Variants in DENND2A observed in about 807,000 individuals in gnomAD.
The protein encoded by DENND2A is DENN domain-containing protein 2A.
A neutral mutation model predicts 105.3 loss-of-function variants in DENND2A; 53 were observed. The observed-to-expected ratio is 0.50, with a 90% CI of 0.40 to 0.63. The LOEUF (loss-of-function observed/expected upper bound fraction) is 0.63. Among genes scored for constraint, DENND2A ranks in the 30% least tolerant of loss-of-function variants. DENND2A has a pLI of 0.00. For missense variants in DENND2A, 1,138 were observed against 1,279.6 expected (o/e 0.89, Z 1.69); for synonymous variants, 522 against 508.4 (o/e 1.03, Z -0.36).
intron 9 of DENND2A, among the ~76,000 whole-genome samples, chr7:140,565,281 G>A (rs1176524592): frequency 6.6e-6 from 1 of 151,956 alleles, no homozygotes. Flanking sequence ...TGAGGCATGA[G>A]TCTGTCCAGA....
At chr7:140,553,129 C>CG (rs934800433) in intron 12 of DENND2A, among the ~76,000 whole-genome samples, 2 of 152,012 alleles carry the variant, frequency 1.3e-5, no homozygotes, top group African/African-American at 4.8e-5. Context: ...TGGAGGATCC[C>CG]GCCAGCCTCT....
chr7:140,615,570 C>T (rs1290748471), intron 1 of DENND2A, among the ~76,000 whole-genome samples: 1 of 150,728 alleles, frequency 6.6e-6, no homozygotes, highest in Non-Finnish European at 1.5e-5. Context: ...CGGAGCCTCG[C>T]TCTGTCGCCC....
At chr7:140,578,056 G>A (rs2130623177) in intron 5 of DENND2A, among the ~76,000 whole-genome samples, 2 of 152,280 alleles carry the variant, frequency 1.3e-5, no homozygotes, top group South Asian at 4.1e-4. Context: ...GCTCTGCTGA[G>A]AGGCTCCCAG....
In DENND2A at chr7:140,559,757, A is replaced by G; in HGVS notation, c.1840T>C (p.Phe614Leu). ...AEDQLKAIPQ[F>L]CFPDAKDWVP... ...CAATCCTTGGCATCGGGAAAACAGAACTGGGGAATGGCCTTCAGTTGGTCC... is the reference window on the plus strand; with the variant it reads ...CAATCCTTGGCATCGGGAAAACAGAGCTGGGGAATGGCCTTCAGTTGGTCC... The change falls in exon 10 of 20, where the codon TTC (phenylalanine) becomes CTC (leucine). Residue 614 changes from phenylalanine (F) to leucine (L), a missense_variant. Phe to Leu is a conservative substitution (Grantham distance 22, BLOSUM62 0). Transcript: ENST00000496613. This position sits in a 1 kb window ranked among gnomAD's most constrained non-coding sequence, Gnocchi z 4.1. 6.2e-7 allele frequency: 1 copy of G among 1,614,158 alleles called. No individual in the cohort carries two copies. The highest frequency in any genetic ancestry group is 8.5e-7 in the Non-Finnish European group (1 of 1,180,010).
intron 8 of DENND2A, among the ~76,000 whole-genome samples, chr7:140,568,276 G>T (rs988725130): frequency 6.6e-6 from 1 of 152,162 alleles, no homozygotes. Flanking sequence ...CCTGGGGTCT[G>T]AAAAATTGCA....
Position 140,523,715 on chromosome 7 carries a change from C to T in DENND2A, c.2548-291G>A, listed in dbSNP as rs1428709087. ...TCAGCCTCCCAAGTAGCTGGAACTA[C>T]AGGCGCGTGCCACCGCTCCTGGCTA... On this transcript the variant is annotated intron_variant, in intron 16 of 19. Coordinates refer to ENST00000496613, the MANE Select transcript of DENND2A (RefSeq NM_015689.5). This position sits in a 1 kb window ranked among gnomAD's most constrained non-coding sequence, Gnocchi z 4.5. 2.0e-5 allele frequency among the ~76,000 whole-genome samples: 3 copies of T among 152,184 alleles called. No individual in the cohort carries two copies. Among genetic ancestry groups the T allele is most frequent in the Admixed American group, 1.3e-4 (2 of 15,270 alleles).
chr7:140,602,139 C>A lies in DENND2A; in HGVS notation c.259G>T (p.Gly87Trp). The stretch of plus-strand genomic sequence containing the variant: ...GCCTCTGTGACCTGAGTTCTCACCC[C>A]ATCACTACTCCTCCTCTCCACCGTA... Reference protein sequence around the residue: ...SSTVERRSSDGVRTQVTEAKN... With the variant: ...SSTVERRSSDWVRTQVTEAKN... Residue 87 changes from glycine to tryptophan, a missense_variant, in exon 3 of 20, where the codon GGG (glycine) becomes TGG (tryptophan). By Grantham distance (184) the Gly-to-Trp change is radical (BLOSUM62 -2). Coordinates refer to ENST00000496613, the MANE Select transcript of DENND2A (RefSeq NM_015689.5). 6.2e-7 allele frequency: 1 copy of A among 1,614,192 alleles called. No homozygotes were observed. The highest frequency in any genetic ancestry group is 1.3e-5 in the African/African-American group (1 of 75,050).
At chr7:140,602,895 G>A (rs184910944) in intron 2 of DENND2A, among the ~76,000 whole-genome samples, 12 of 152,276 alleles carry the variant, frequency 7.9e-5, no homozygotes, top group African/African-American at 2.9e-4. Flanking sequence ...TTAGGAGTCA[G>A]ATAGGCTTGG....
chr7:140,609,578 G>C (rs972497246), intron 1 of DENND2A, among the ~76,000 whole-genome samples: 1 of 152,148 alleles, frequency 6.6e-6, no homozygotes, highest in Non-Finnish European at 1.5e-5. Context: ...AATTTTGAAG[G>C]TAGCTGATGA....
intron 3 of DENND2A, among the ~76,000 whole-genome samples, chr7:140,595,478 T>C (rs553262720): frequency 2.6e-5 from 4 of 152,318 alleles, no homozygotes; most frequent in East Asian, 3.9e-4. Context: ...TTAAAAAAGC[T>C]TGGCTACAGG....
chr7:140,602,452 T>C lies in DENND2A; in HGVS notation c.-55A>G, dbSNP rs189834917. The stretch of plus-strand genomic sequence containing the variant: ...CTTCCAGGGGACTCCTTCTGAAGCC[T>C]GACTCCTGATCAGTCTCTAGGAATG... On this transcript the variant is annotated 5_prime_UTR_variant, in exon 3 of 20. Transcript: ENST00000496613. 1,793 of 1,495,246 alleles carry C rather than the reference T, an allele frequency of 1.2e-3. 16 individuals are homozygous for C. In the African/African-American group the frequency reaches 0.021, roughly 18 times the overall value. 92.6% of individuals were successfully genotyped at this position (1,495,246 alleles called of 1,614,324 possible).
chr7:140,574,934 C>T (rs577187283), intron 5 of DENND2A, among the ~76,000 whole-genome samples: 38 of 152,078 alleles, frequency 2.5e-4, no homozygotes, highest in Admixed American at 9.8e-4. Flanking sequence ...GCAGGAGAAT[C>T]GCCTGAACCC....
intron 4 of DENND2A, among the ~76,000 whole-genome samples, chr7:140,586,780 A>T (rs1036244559): frequency 3.3e-5 from 5 of 152,326 alleles, no homozygotes; most frequent in African/African-American, 1.2e-4. Flanking sequence ...TTAGCTAAGC[A>T]TCTGCCTTCC....
intron 9 of DENND2A, among the ~76,000 whole-genome samples, chr7:140,562,981 C>A (rs1287880218): frequency 6.6e-6 from 1 of 152,190 alleles, no homozygotes; most frequent in African/African-American, 2.4e-5. Flanking sequence ...GTAATTTTGA[C>A]TGTCCTTGCA....
chr7:140,615,881 C>T (rs771697885), intron 1 of DENND2A, among the ~76,000 whole-genome samples: 11 of 151,854 alleles, frequency 7.2e-5, no homozygotes, highest in Admixed American at 5.9e-4. Flanking sequence ...ATGCTTAATG[C>T]GTCCACCAAC....
intron 11 of DENND2A, 95 bp downstream of exon 11, chr7:140,558,048 C>G: frequency 1.0e-6 from 1 of 952,682 alleles, no homozygotes; most frequent in Non-Finnish European, 1.6e-6. Context: ...ATCAGGGAAT[C>G]TCAGTCTCAC....
Position 140,518,591 on chromosome 7 carries a change from CG to C in DENND2A, c.*115del. On this transcript the variant is annotated 3_prime_UTR_variant, in exon 20 of 20. Transcript: ENST00000496613. ...GCCCAGCCTCGGCCAGAAGCCACCG[CG>C]GCCTCCAGTTCCGCACCGTGACAAC... 1 of 1,088,546 alleles carries C rather than the reference CG, an allele frequency of 9.2e-7. No homozygotes were observed. The highest frequency in any genetic ancestry group is 1.3e-6 in the Non-Finnish European group (1 of 748,404). 67.4% of individuals were successfully genotyped at this position (1,088,546 alleles called of 1,614,324 possible).
At chr7:140,546,997 T>C in intron 12 of DENND2A, 58 bp from the exon 13 acceptor site, 1 of 1,582,202 alleles carries the variant, frequency 6.3e-7, no homozygotes, top group Non-Finnish European at 8.6e-7. Flanking sequence ...AAGGTGGAGC[T>C]CAGTTCTAGG....
intron 6 of DENND2A, among the ~76,000 whole-genome samples, chr7:140,572,751 C>CAAAA (rs59174097): frequency 3.6e-4 from 21 of 58,760 alleles, no homozygotes; most frequent in East Asian, 7.0e-4. Flanking sequence ...GAAACTCTGT[C>CAAAA]AAAAAAAAAA....
Sources: gnomAD v4.1 joint callset for allele counts (sites outside exome capture counted in the v4.1 genomes callset) on GRCh38, gnomAD v4.1.1 for gene constraint, Gnocchi (gnomAD v3.1) non-coding constraint, MANE v1.5 for transcripts, NCBI Gene and HGNC (gene_info 2026-07-23, HGNC 2026-07-21) for gene names.